The following ACYP2 variants were observed in gnomAD, a reference collection of about 807,000 sequenced individuals.
ACYP2 encodes the protein acylphosphatase-2.
Under a neutral mutation model 11.2 loss-of-function variants are expected in ACYP2, and 12 were observed. The observed-to-expected ratio is 1.08, with a 90% confidence interval of 0.69 to 1.74. The LOEUF is 1.74. Ranked by LOEUF, ACYP2 falls within the 40% of genes most tolerant of loss-of-function variation. ACYP2 has a pLI of 0.00. For synonymous variants in ACYP2, 43 were observed against 32.2 expected (o/e 1.33, Z -1.13); for missense variants, 134 against 101.9 (o/e 1.31, Z -1.35).
chr2:54,274,209 C>T (rs1171936365), intron 6 of ACYP2, among the ~76,000 whole-genome samples: 2 of 152,144 alleles, frequency 1.3e-5, no homozygotes, highest in African/African-American at 4.8e-5. Flanking sequence ...AGAGCTTGTG[C>T]AGTAAAACTC....
chr2:54,274,464 G>C lies in ACYP2; in HGVS notation c.405-30224G>C, dbSNP rs75639557. On this transcript the variant is annotated intron_variant, in intron 6 of 6. Coordinates refer to ENST00000607452, the MANE Select transcript of ACYP2 (RefSeq NM_001320586.2). ...AAGACCAGCCTGGGCAACATAGTGA[G>C]CCCATTTCTACAAAATAAAATAAAA... Among the ~76,000 whole-genome samples, 1,180 of 151,778 alleles carry C rather than the reference G, an allele frequency of 7.8e-3. 17 individuals carry two copies. The highest frequency in any genetic ancestry group is 0.027 in the African/African-American group (1,135 of 41,358).
intron 6 of ACYP2, among the ~76,000 whole-genome samples, chr2:54,293,759 T>G (rs1168952176): frequency 6.6e-6 from 1 of 152,194 alleles, no homozygotes; most frequent in African/African-American, 2.4e-5. Flanking sequence ...ATCTTAGGTC[T>G]TAGGTTAATT....
intron 6 of ACYP2, chr2:54,255,709 T>G (rs1352266987): frequency 6.2e-7 from 1 of 1,614,014 alleles, no homozygotes; most frequent in Non-Finnish European, 8.5e-7. Flanking sequence ...CTTCACGTCC[T>G]CGGCCTTCCC....
At chr2:54,034,671 G>C (rs1450815745) in intron 2 of ACYP2, among the ~76,000 whole-genome samples, 1 of 152,046 alleles carries the variant, frequency 6.6e-6, no homozygotes, top group Admixed American at 6.6e-5. Context: ...TTACAACAGG[G>C]ATATTTCCCA....
chr2:54,007,873 CAAACAA>C (rs1201321171), intron 2 of ACYP2, among the ~76,000 whole-genome samples: 1 of 151,480 alleles, frequency 6.6e-6, no homozygotes. Context: ...TGAAAAAAAA[CAAACAA>C]AAACAAACAA....
intron 4 of ACYP2, among the ~76,000 whole-genome samples, chr2:54,061,334 C>T (rs1676460432): frequency 6.6e-6 from 1 of 152,204 alleles, no homozygotes; most frequent in Non-Finnish European, 1.5e-5. Flanking sequence ...TTACTTTGAG[C>T]AAACTTCCCC....
At chr2:54,204,713 A>C (rs578099767) in intron 6 of ACYP2, among the ~76,000 whole-genome samples, 1 of 152,238 alleles carries the variant, frequency 6.6e-6, no homozygotes, top group African/African-American at 2.4e-5. Context: ...AAAAAACTCA[A>C]TTCTTTCTTC....
intron 6 of ACYP2, among the ~76,000 whole-genome samples, chr2:54,146,219 C>T (rs1053096762): frequency 5.3e-5 from 8 of 152,096 alleles, no homozygotes; most frequent in South Asian, 2.1e-4. Flanking sequence ...TGATGTCATT[C>T]GAATACAAAG....
rs376417318 is a variant in ACYP2, at chr2:54,108,756, G to A, written c.278-26697G>A. Among the ~76,000 whole-genome samples, 29 of 152,244 alleles carry A rather than the reference G, an allele frequency of 1.9e-4. No individual in the cohort carries two copies. The South Asian group carries it at 4.1e-3, about 22-fold the overall frequency. On this transcript the variant is annotated intron_variant, in intron 4 of 6. Transcript: ENST00000607452. ...GCCTCCTTGGTGTGTCCAAGCAGTG[G>A]CATCTGTGATTAGTTGCCTCCTGAT...
chr2:54,104,733 A>AAC (rs1679061258), intron 4 of ACYP2, among the ~76,000 whole-genome samples: 1 of 152,242 alleles, frequency 6.6e-6, no homozygotes, highest in Non-Finnish European at 1.5e-5. Context: ...TAAACAGTAG[A>AAC]ACTACCTGAG....
intron 2 of ACYP2, among the ~76,000 whole-genome samples, chr2:54,034,728 C>T (rs907878711): frequency 3.3e-5 from 5 of 152,012 alleles, no homozygotes; most frequent in Admixed American, 6.6e-5. Context: ...AGATTAGACT[C>T]ATCTGGGCAC....
chr2:54,039,475 A>G (rs905533079), intron 2 of ACYP2, among the ~76,000 whole-genome samples: 4 of 151,552 alleles, frequency 2.6e-5, no homozygotes, highest in Admixed American at 6.6e-5. Context: ...TATTTTTTCT[A>G]GAGATGGGGT....
chr2:54,137,256 G>A (rs1364831334), intron 5 of ACYP2, among the ~76,000 whole-genome samples: 1 of 151,892 alleles, frequency 6.6e-6, no homozygotes, highest in Non-Finnish European at 1.5e-5. Flanking sequence ...TAGTGTTCTT[G>A]CTAGTTTAAT....
At chr2:54,090,564 G>C (rs1423758232) in intron 4 of ACYP2, among the ~76,000 whole-genome samples, 1 of 152,156 alleles carries the variant, frequency 6.6e-6, no homozygotes, top group African/African-American at 2.4e-5. Flanking sequence ...CCGGGAGGTG[G>C]AGTTTGCAGT....
intron 6 of ACYP2, chr2:54,142,017 TTTGTTG>T (rs10611682): frequency 0.16 from 64,404 of 399,024 alleles, 5,479 homozygotes; most frequent in African/African-American, 0.28. Flanking sequence ...GTGTGTATAT[TTTGTTG>T]TTGTTGTTGT....
chr2:54,256,301 C>G (rs1386960934), intron 6 of ACYP2: 3 of 799,214 alleles, frequency 3.8e-6, no homozygotes, highest in East Asian at 5.3e-5. Context: ...TCTCGCGACA[C>G]TCACTCCTCA....
At chr2:53,985,032 C>CA in intron 2 of ACYP2, among the ~76,000 whole-genome samples, 1 of 151,200 alleles carries the variant, frequency 6.6e-6, no homozygotes, top group Non-Finnish European at 1.5e-5. Context: ...TAAACAATCC[C>CA]AAAATCTCAG....
intron 4 of ACYP2, among the ~76,000 whole-genome samples, chr2:54,075,353 G>C (rs913612016): frequency 6.6e-6 from 1 of 152,094 alleles, no homozygotes; most frequent in African/African-American, 2.4e-5. Flanking sequence ...ACAAAAATTA[G>C]CTGGGAATGG....
intron 2 of ACYP2, among the ~76,000 whole-genome samples, chr2:54,025,963 A>C (rs1334256783): frequency 6.6e-6 from 1 of 152,168 alleles, no homozygotes; most frequent in Non-Finnish European, 1.5e-5. Flanking sequence ...TTAAAAATAT[A>C]AAAATTAGCC....
Sources: allele counts gnomAD v4.1 joint callset (sites outside exome capture counted in the v4.1 genomes callset), GRCh38; gene constraint gnomAD v4.1.1; transcripts MANE v1.5; gene names NCBI Gene and HGNC (gene_info 2026-07-23, HGNC 2026-07-21).